The following MMP11 variants were observed in gnomAD, a reference collection of about 807,000 sequenced individuals.
MMP11 encodes matrix metallopeptidase 11.
In MMP11, 26 loss-of-function variants were observed where a neutral mutation model predicts 49.5. The ratio of observed to expected loss-of-function variants is 0.52; its 90% CI spans 0.38 to 0.73. MMP11 has a LOEUF of 0.73. Ranked by LOEUF, MMP11 falls within the 30% of genes least tolerant of loss-of-function variation. MMP11 has a pLI of 0.00. For missense variants in MMP11, 624 were observed against 671.2 expected (o/e 0.93, Z 0.78); for synonymous variants, 265 against 282.3 (o/e 0.94, Z 0.62).
intron 2 of MMP11, chr22:23,779,898 C>A (rs993621908): frequency 3.2e-5 from 8 of 253,772 alleles, no homozygotes; most frequent in Non-Finnish European, 6.1e-5. Context: ...CACTGGGTGA[C>A]CTGGGAGGAC....
intron 7 of MMP11, 31 bp downstream of exon 7, chr22:23,782,514 G>A (rs1272780917): frequency 6.3e-7 from 1 of 1,583,278 alleles, no homozygotes; most frequent in Non-Finnish European, 8.6e-7. Flanking sequence ...CTGGTGGGAG[G>A]TGGGCACAGC....
chr22:23,774,248 C>G (rs28363617), intron 1 of MMP11, among the ~76,000 whole-genome samples: 1,658 of 152,270 alleles, frequency 0.011, 33 homozygotes, highest in South Asian at 0.11. Flanking sequence ...CACTGTTGAG[C>G]AATGAGGTGA....
chr22:23,774,809 G>A (rs28363623), intron 1 of MMP11, among the ~76,000 whole-genome samples: 1,662 of 152,234 alleles, frequency 0.011, 33 homozygotes, highest in South Asian at 0.11. Flanking sequence ...GGCACAATGA[G>A]CCCAGCCTTT....
At chr22:23,778,304 G>T (rs1411176475) in intron 1 of MMP11, among the ~76,000 whole-genome samples, 1 of 152,238 alleles carries the variant, frequency 6.6e-6, no homozygotes, top group Non-Finnish European at 1.5e-5. Flanking sequence ...CACAAGAACT[G>T]TAACTTCTGC....
In MMP11 at chr22:23,772,969, T is replaced by C; in HGVS notation, c.99T>C (p.Ala33=). ...AGCCGCCGCCGCTGCTGGCCCGGGC[T>C]CTGCCGCCGGTGAGTGCCCGCCACT... is the stretch of plus-strand genomic sequence containing the variant. ...LLQPPPLLAR[A]LPPDAHHLHA... The change falls in exon 1 of 8, where the codon GCT becomes GCC. Residue 33 remains alanine (A), a synonymous_variant. Transcript: ENST00000215743. 2.5e-6 allele frequency: 3 copies of C among 1,207,198 alleles called. No homozygotes were observed. 74.8% of individuals were successfully genotyped at this position (1,207,198 alleles called of 1,614,324 possible).
chr22:23,779,713 A>C, intron 2 of MMP11: 1 of 485,002 alleles, frequency 2.1e-6, no homozygotes, highest in South Asian at 2.9e-5. Context: ...CCTTTACAAG[A>C]GACCTGTGAG....
rs932472624 is a variant in MMP11, at chr22:23,772,878, C to T, written c.8C>T (p.Pro3Leu). The T allele has an allele frequency of 5.6e-5, 65 of 1,158,088 alleles. No individual in the cohort carries two copies. The highest frequency in any genetic ancestry group is 8.2e-5 in the East Asian group (2 of 24,296). 71.7% of individuals were successfully genotyped at this position (1,158,088 alleles called of 1,614,324 possible). The change falls in exon 1 of 8, where the codon CCG becomes CTG. Residue 3 changes from proline to leucine, a missense_variant. Transcript: ENST00000215743. Reference protein sequence around the residue: MAPAAWLRSAAAR... With the variant: MALAAWLRSAAAR... The stretch of plus-strand genomic sequence containing the variant: ...CCAGCAGCCCCGGGGCGGATGGCTC[C>T]GGCCGCCTGGCTCCGCAGCGCGGCC...
At chr22:23,783,171 T>C (rs530111871) in intron 7 of MMP11, among the ~76,000 whole-genome samples, 1 of 152,262 alleles carries the variant, frequency 6.6e-6, no homozygotes, top group Admixed American at 6.5e-5. Flanking sequence ...TCTGAGGCTC[T>C]GGGTACCTGT....
intron 1 of MMP11, 34 bp from the exon 2 acceptor site, chr22:23,779,153 C>A (rs764167263): frequency 3.3e-6 from 5 of 1,510,056 alleles, no homozygotes; most frequent in Non-Finnish European, 4.5e-6. Flanking sequence ...GGACCTTAGG[C>A]CTGACCAGAC....
In MMP11 at chr22:23,780,706, G is replaced by A; in HGVS notation, c.607G>A (p.Asp203Asn). The stretch of plus-strand genomic sequence containing the variant: ...CTATGATGAGACCTGGACTATCGGG[G>A]ATGACCAGGGTATGGGCTGGGGACC... Reference protein sequence around the residue: ...FDYDETWTIGDDQGTDLLQVA... With the variant: ...FDYDETWTIGNDQGTDLLQVA... The change falls in exon 4 of 8, where the codon GAT becomes AAT. Residue 203 changes from aspartate to asparagine, a missense_variant. Transcript: ENST00000215743. The surrounding 1 kb of genome is among the most constrained non-coding windows in gnomAD (Gnocchi z 4.6). 2.6e-6 allele frequency: 4 copies of A among 1,554,152 alleles called. No individual in the cohort carries two copies. Among genetic ancestry groups the A allele is most frequent in the Non-Finnish European group, 3.5e-6 (4 of 1,153,510 alleles).
intron 1 of MMP11, among the ~76,000 whole-genome samples, chr22:23,774,149 G>C (rs1289598119): frequency 1.3e-5 from 2 of 152,152 alleles, no homozygotes; most frequent in African/African-American, 4.8e-5. Flanking sequence ...TGTGACCCTG[G>C]GTGAATCCTG....
chr22:23,773,808 A>C (rs1927318754), intron 1 of MMP11, among the ~76,000 whole-genome samples: 1 of 152,150 alleles, frequency 6.6e-6, no homozygotes, highest in South Asian at 2.1e-4. Context: ...TCCACAGCGG[A>C]GGCATCCAGA....
intron 1 of MMP11, among the ~76,000 whole-genome samples, chr22:23,774,124 T>A (rs1380551180): frequency 6.6e-6 from 1 of 152,154 alleles, no homozygotes; most frequent in Non-Finnish European, 1.5e-5. Flanking sequence ...ATTGGAGAGA[T>A]CTGGGTTTGA....
Position 23,782,350 on chromosome 22 carries a change from C to A in MMP11, c.1200C>A (p.Ile400=), listed in dbSNP as rs1927668422. Residue 400 remains isoleucine, a synonymous_variant, in exon 7 of 8, where the codon ATC becomes ATA. Transcript: ENST00000215743. ...ALVWGPEKNK[I]YFFRGRDYWR... ...TCTGGGGTCCCGAGAAGAACAAGAT[C>A]TACTTCTTCCGAGGCAGGGACTACT... 2 of 1,613,930 alleles carry A rather than the reference C, an allele frequency of 1.2e-6. No homozygotes were observed. Among genetic ancestry groups the A allele is most frequent in the Non-Finnish European group, 1.7e-6 (2 of 1,180,024 alleles).
Position 23,781,879 on chromosome 22 carries a change from C to A in MMP11, c.1076-347C>A, listed in dbSNP as rs200565586. On this transcript the variant is annotated intron_variant, in intron 6 of 7. Coordinates refer to ENST00000215743, the MANE Select transcript of MMP11 (RefSeq NM_005940.5). Reference sequence around the variant, plus strand: ...ACAAATGAAGGCACAGCATGGGAAACCTGCGTGGGTTCCAGGGCAGTCCAG... The same window carrying A: ...ACAAATGAAGGCACAGCATGGGAAAACTGCGTGGGTTCCAGGGCAGTCCAG... 46 of 627,428 alleles carry A rather than the reference C, an allele frequency of 7.3e-5. No individual in the cohort carries two copies. The East Asian group carries it at 1.4e-3, about 19-fold the overall frequency. The allele number at this position is 627,428 out of a possible 1,614,324, so 38.9% of individuals were successfully genotyped here.
Position 23,779,238 on chromosome 22 carries a change from G to C in MMP11, c.160G>C (p.Ala54Pro). ...ERRGPQPWHA[A>P]LPSSPAPAPA... ...GAGGGGGCCACAGCCCTGGCATGCA[G>C]CCCTGCCCAGTAGCCCGGCACCTGC... is the stretch of plus-strand genomic sequence containing the variant. The change falls in exon 2 of 8, where the codon GCC becomes CCC. Residue 54 changes from alanine (A) to proline (P), a missense_variant. Ala to Pro is a conservative substitution (Grantham distance 27). Coordinates refer to ENST00000215743, the MANE Select transcript of MMP11 (RefSeq NM_005940.5). The C allele has an allele frequency of 4.4e-6, 7 of 1,608,806 alleles. No individual in the cohort carries two copies. The highest frequency in any genetic ancestry group is 5.9e-6 in the Non-Finnish European group (7 of 1,178,356).
chr22:23,777,214 A>G (rs1450562792), intron 1 of MMP11, among the ~76,000 whole-genome samples: 2 of 142,462 alleles, frequency 1.4e-5, no homozygotes, highest in Non-Finnish European at 3.0e-5. Context: ...TGAGGTCAGG[A>G]GTTCAAGACC....
intron 1 of MMP11, chr22:23,777,867 C>T (rs1294714606): frequency 6.6e-6 from 1 of 152,264 alleles, no homozygotes; most frequent in East Asian, 1.9e-4. Context: ...GCCTCACGCC[C>T]TAAGTAGTTC....
intron 1 of MMP11, among the ~76,000 whole-genome samples, chr22:23,777,477 G>T (rs1265207670): frequency 3.3e-5 from 5 of 151,476 alleles, no homozygotes; most frequent in Middle Eastern, 3.4e-3. Context: ...TGAGTCAGGA[G>T]CATGGCATGA....
Sources: allele counts gnomAD v4.1 joint callset (sites outside exome capture counted in the v4.1 genomes callset), GRCh38; gene constraint gnomAD v4.1.1; non-coding constraint Gnocchi (gnomAD v3.1); transcripts MANE v1.5; gene names NCBI Gene and HGNC (gene_info 2026-07-23, HGNC 2026-07-21).